The following GABRA1 variants were observed in gnomAD, a reference collection of about 807,000 sequenced individuals.
GABRA1 encodes the protein gamma-aminobutyric acid type A receptor subunit alpha1, also known as gamma-aminobutyric acid receptor subunit alpha-1.
GABRA1 carries 9 observed loss-of-function variants against 48.9 expected under a neutral mutation model. That is an observed-to-expected ratio of 0.18 (90% CI 0.11 to 0.32). GABRA1 has a LOEUF of 0.32. GABRA1 is among the 10% of genes least tolerant of loss of function. The pLI, the probability that GABRA1 is intolerant of heterozygous loss-of-function variation, is 1.00. For missense variants in GABRA1, 285 were observed against 553.8 expected (o/e 0.51, Z 4.87); for synonymous variants, 210 against 198.7 (o/e 1.06, Z -0.48).
intron 6 of GABRA1, among the ~76,000 whole-genome samples, chr5:161,881,345 T>C (rs1341722700): frequency 1.3e-5 from 2 of 152,146 alleles, no homozygotes; most frequent in Admixed American, 6.6e-5. Flanking sequence ...GGACTAGAAA[T>C]CAGAAAAGGT....
chr5:161,890,100 G>A (rs868136794), intron 7 of GABRA1, among the ~76,000 whole-genome samples: 1 of 151,932 alleles, frequency 6.6e-6, no homozygotes, highest in Non-Finnish European at 1.5e-5. Flanking sequence ...CCTGCAATTT[G>A]GGTTGTGTGT....
At chr5:161,891,958 T>C (rs992002105) in intron 8 of GABRA1, among the ~76,000 whole-genome samples, 1 of 152,226 alleles carries the variant, frequency 6.6e-6, no homozygotes, top group African/African-American at 2.4e-5. Context: ...CTATCTACTA[T>C]TATTATTTCC....
chr5:161,875,557 A>G lies in GABRA1; in HGVS notation c.477-3A>G. On this transcript the variant is annotated splice_region_variant and splice_polypyrimidine_tract_variant and intron_variant, in intron 5 of 9. Transcript: ENST00000393943. ...CTTGTTTGTATTCTATGTTTCCCTT[A>G]AGGCTGACAGTGAGAGCTGAATGTC... is the stretch of plus-strand genomic sequence containing the variant. 1.9e-6 allele frequency: 3 copies of G among 1,611,634 alleles called. No homozygotes were observed. Among genetic ancestry groups the G allele is most frequent in the African/African-American group, 1.3e-5 (1 of 74,968 alleles).
At chr5:161,893,509 AC>A (rs1477166358) in intron 8 of GABRA1, among the ~76,000 whole-genome samples, 1 of 152,080 alleles carries the variant, frequency 6.6e-6, no homozygotes, top group Non-Finnish European at 1.5e-5. Flanking sequence ...AAAGAAAAAA[AC>A]AAAAGAACCA....
At chr5:161,894,035 C>T (rs1295636620) in intron 8 of GABRA1, among the ~76,000 whole-genome samples, 2 of 151,964 alleles carry the variant, frequency 1.3e-5, no homozygotes, top group Non-Finnish European at 2.9e-5. Flanking sequence ...ACTACATAAA[C>T]CAAGATTTTT....
chr5:161,895,987 T>A (rs1432419864), intron 9 of GABRA1, 119 bp downstream of exon 9: 3 of 868,712 alleles, frequency 3.5e-6, no homozygotes, highest in Non-Finnish European at 5.7e-6. Context: ...ATTCTTTTTT[T>A]CTTATGTCGT....
intron 7 of GABRA1, among the ~76,000 whole-genome samples, chr5:161,885,673 C>G (rs1397573748): frequency 6.6e-6 from 1 of 152,146 alleles, no homozygotes; most frequent in Non-Finnish European, 1.5e-5. Flanking sequence ...ATTAGAGGTA[C>G]AATTCCTTCC....
chr5:161,868,016 T>C (rs1022176835), intron 4 of GABRA1, among the ~76,000 whole-genome samples: 11 of 151,976 alleles, frequency 7.2e-5, no homozygotes, highest in African/African-American at 2.7e-4. Context: ...ATTACTCTTT[T>C]CTTGGTGATA....
At chr5:161,852,164 CTGGTCTTGGGGAAAAGGCAG>C (rs1757469889) in intron 2 of GABRA1, among the ~76,000 whole-genome samples, 1 of 152,014 alleles carries the variant, frequency 6.6e-6, no homozygotes, top group African/African-American at 2.4e-5. Context: ...GAAAGCAGAA[CTGGTCTTGGGGAAAAGGCAG>C]TGGTCTCTTT....
At chr5:161,893,750 G>A (rs965837375) in intron 8 of GABRA1, among the ~76,000 whole-genome samples, 2 of 152,082 alleles carry the variant, frequency 1.3e-5, no homozygotes, top group East Asian at 3.9e-4. Context: ...TTCCTCTTAT[G>A]GAGCTTCAGT....
intron 7 of GABRA1, among the ~76,000 whole-genome samples, chr5:161,889,716 A>G (rs1354815767): frequency 6.6e-6 from 1 of 152,020 alleles, no homozygotes; most frequent in Admixed American, 6.6e-5. Context: ...GTCACTTTAT[A>G]TTGTCACACA....
At chr5:161,858,492 C>G (rs1757735487) in intron 3 of GABRA1, among the ~76,000 whole-genome samples, 1 of 151,690 alleles carries the variant, frequency 6.6e-6, no homozygotes, top group Non-Finnish European at 1.5e-5. Flanking sequence ...TATATACAGG[C>G]TACACTTTAT....
chr5:161,873,662 T>C (rs1270066599), intron 5 of GABRA1, among the ~76,000 whole-genome samples: 1 of 152,130 alleles, frequency 6.6e-6, no homozygotes, highest in Non-Finnish European at 1.5e-5. Context: ...CTAGAAGCCA[T>C]CTAATGATCT....
chr5:161,875,429 C>A, intron 5 of GABRA1, 131 bp from the exon 6 acceptor site: 1 of 739,288 alleles, frequency 1.4e-6, no homozygotes, highest in Non-Finnish European at 2.4e-6. Flanking sequence ...TGATTATTAA[C>A]AGCTCAGCAT....
In GABRA1 at chr5:161,850,900, T is replaced by A. The variant is rs778424701; in HGVS notation, c.74+16T>A. The A allele has an allele frequency of 1.6e-5, 26 of 1,602,992 alleles. No individual in the cohort carries two copies. Among genetic ancestry groups the A allele is most frequent in the African/African-American group, 1.1e-4 (8 of 74,790 alleles). ...CTGGAAGAAGGTGGGGACACTTTTT[T>A]AAAAATCTGCATGAAAATTTCTGTA... On this transcript the variant is annotated intron_variant, in intron 2 of 9. Coordinates refer to ENST00000393943, the MANE Select transcript of GABRA1 (RefSeq NM_001127644.2).
intron 8 of GABRA1, 30 bp downstream of exon 8, chr5:161,891,080 G>A (rs988935259): frequency 2.5e-6 from 4 of 1,599,194 alleles, no homozygotes; most frequent in East Asian, 2.2e-5. Flanking sequence ...CATACGCAAG[G>A]AAGGGTATGG....
intron 4 of GABRA1, chr5:161,872,181 A>T (rs1754149407): frequency 6.6e-6 from 1 of 152,624 alleles, no homozygotes; most frequent in South Asian, 2.1e-4. Context: ...GAATGTGGTA[A>T]TCTCTATTTC....
intron 4 of GABRA1, among the ~76,000 whole-genome samples, chr5:161,871,322 T>TGGCC (rs1581196154): frequency 6.6e-6 from 1 of 152,142 alleles, no homozygotes; most frequent in East Asian, 1.9e-4. Flanking sequence ...GATTTGCAGG[T>TGGCC]GGCCATTCAT....
In GABRA1 at chr5:161,897,701, G is replaced by A; in HGVS notation, c.*279G>A. ...GAAAAGAGGGGGAAGATGGTTCAAA[G>A]ATACAAGAAAAAGTAGAAAAAAAAA... On this transcript the variant is annotated 3_prime_UTR_variant, in exon 10 of 10. Transcript: ENST00000393943. The A allele has an allele frequency of 5.6e-6, 2 of 357,224 alleles. No individual in the cohort carries two copies. Among genetic ancestry groups the A allele is most frequent in the South Asian group, 5.2e-5 (1 of 19,096 alleles). 22.1% of individuals were successfully genotyped at this position (357,224 alleles called of 1,614,324 possible).
Sources: allele counts gnomAD v4.1 joint callset (sites outside exome capture counted in the v4.1 genomes callset), GRCh38; gene constraint gnomAD v4.1.1; transcripts MANE v1.5; gene names NCBI Gene and HGNC (gene_info 2026-07-23, HGNC 2026-07-21).